The following CES5A variants were observed in gnomAD, a reference collection of about 807,000 sequenced individuals.
The protein encoded by CES5A is carboxylesterase 5.
A neutral mutation model predicts 62.9 loss-of-function variants in CES5A; 67 were observed. The ratio of observed to expected loss-of-function variants is 1.07; its 90% confidence interval spans 0.88 to 1.31. The LOEUF (loss-of-function observed/expected upper bound fraction) is 1.31. Among genes scored for constraint, CES5A ranks in the 50% most tolerant of loss-of-function variants. The pLI is 0.00. For missense variants in CES5A, 748 were observed against 708.5 expected, an observed-to-expected ratio of 1.06 and a Z score of -0.63; for synonymous variants, 296 against 280.8, an observed-to-expected ratio of 1.05 and a Z score of -0.54.
intron 1 of CES5A, among the ~76,000 whole-genome samples, chr16:55,897,372 C>A (rs1442667830): frequency 1.3e-5 from 2 of 152,084 alleles, no homozygotes; most frequent in African/African-American, 4.8e-5. Flanking sequence ...GACAAGAGTA[C>A]TTACAGAAGG....
chr16:55,874,582 A>T (rs1395803627), intron 1 of CES5A, among the ~76,000 whole-genome samples: 1 of 151,998 alleles, frequency 6.6e-6, no homozygotes, highest in Non-Finnish European at 1.5e-5. Context: ...TTGGTGAGTT[A>T]GGTATATGCT....
chr16:55,931,030 A>T (rs772663830), intron 2 of CES5A, among the ~76,000 whole-genome samples: 2 of 152,232 alleles, frequency 1.3e-5, no homozygotes, highest in Non-Finnish European at 1.5e-5. Context: ...ATTAAGCCCA[A>T]AACCCCATTT....
intron 1 of CES5A, among the ~76,000 whole-genome samples, chr16:55,922,790 T>C (rs539201623): frequency 6.6e-6 from 1 of 152,014 alleles, no homozygotes; most frequent in Non-Finnish European, 1.5e-5. Context: ...ATATATCAGG[T>C]GATAAAACAA....
At chr16:55,889,774 T>C (rs2033856249) in intron 1 of CES5A, among the ~76,000 whole-genome samples, 1 of 152,054 alleles carries the variant, frequency 6.6e-6, no homozygotes, top group African/African-American at 2.4e-5. Context: ...CATGGTTGGT[T>C]CCCTTGGTGA....
chr16:55,943,605 T>C (rs995639472), intron 2 of CES5A, among the ~76,000 whole-genome samples: 3 of 152,244 alleles, frequency 2.0e-5, no homozygotes, highest in African/African-American at 4.8e-5. Flanking sequence ...ATGCTAAAAA[T>C]ATGCTAAAAC....
chr16:55,910,693 T>C (rs1470591947), intron 1 of CES5A, among the ~76,000 whole-genome samples: 2 of 152,178 alleles, frequency 1.3e-5, no homozygotes. Context: ...AAATCCTCAA[T>C]GTACAGATTT....
chr16:55,952,774 A>C (rs56022840), intron 1 of CES5A, among the ~76,000 whole-genome samples: 3,219 of 152,210 alleles, frequency 0.021, 112 homozygotes, highest in African/African-American at 0.072. Context: ...ATAGTAATTT[A>C]AGATCTACCC....
At chr16:55,949,593 G>A (rs1464169688) in intron 2 of CES5A, among the ~76,000 whole-genome samples, 1 of 152,182 alleles carries the variant, frequency 6.6e-6, no homozygotes, top group Non-Finnish European at 1.5e-5. Context: ...TCAGCAAATG[G>A]CAAATCCATC....
At chr16:55,861,605 G>C (rs2033352403) in intron 6 of CES5A, 89 bp from the exon 7 acceptor site, 1 of 895,560 alleles carries the variant, frequency 1.1e-6, no homozygotes, top group African/African-American at 1.6e-5. Context: ...ATCAGCCACA[G>C]GCTGGCCCTC....
chr16:55,916,130 T>C (rs533454140), intron 1 of CES5A, among the ~76,000 whole-genome samples: 2 of 152,106 alleles, frequency 1.3e-5, no homozygotes, highest in Non-Finnish European at 2.9e-5. Context: ...ACAGGACCAG[T>C]TGGGTCAGGG....
intron 1 of CES5A, among the ~76,000 whole-genome samples, chr16:55,891,533 C>G (rs1335668506): frequency 6.6e-6 from 1 of 152,144 alleles, no homozygotes; most frequent in Non-Finnish European, 1.5e-5. Context: ...CAACTCGAAG[C>G]AAAGGCAGGA....
intron 1 of CES5A, among the ~76,000 whole-genome samples, chr16:55,885,802 T>A (rs2033809738): frequency 1.3e-5 from 2 of 152,208 alleles, no homozygotes; most frequent in Non-Finnish European, 2.9e-5. Context: ...AAGTTCATTC[T>A]CATGGCCACT....
intron 1 of CES5A, among the ~76,000 whole-genome samples, chr16:55,904,243 T>C (rs2034017994): frequency 6.6e-6 from 1 of 152,274 alleles, no homozygotes; most frequent in Non-Finnish European, 1.5e-5. Context: ...CAACTCACTG[T>C]GGTTTCACCG....
intron 1 of CES5A, among the ~76,000 whole-genome samples, chr16:55,889,693 C>T (rs1156363144): frequency 1.3e-5 from 2 of 151,662 alleles, no homozygotes; most frequent in Admixed American, 6.6e-5. Flanking sequence ...ATTTTGTAGG[C>T]ATGATTGATT....
At chr16:55,863,809 T>G (rs1597119253) in intron 5 of CES5A, among the ~76,000 whole-genome samples, 1 of 150,454 alleles carries the variant, frequency 6.6e-6, no homozygotes, top group Non-Finnish European at 1.5e-5. Context: ...CAGGCTGGAG[T>G]GCACTGGCGT....
chr16:55,953,057 G>A (rs1417458405), intron 1 of CES5A, among the ~76,000 whole-genome samples: 4 of 152,122 alleles, frequency 2.6e-5, no homozygotes, highest in Non-Finnish European at 4.4e-5. Flanking sequence ...AGCAAAAAAC[G>A]GAAGAATAGT....
chr16:55,955,148 A>G (rs934612952), intron 1 of CES5A, among the ~76,000 whole-genome samples: 1 of 152,134 alleles, frequency 6.6e-6, no homozygotes, highest in Admixed American at 6.5e-5. Context: ...CTCAGTGTAC[A>G]CCAAAGAAAT....
At chr16:55,859,506 C>T (rs376304435) in intron 8 of CES5A, 41 bp downstream of exon 8, 17 of 1,595,836 alleles carry the variant, frequency 1.1e-5, no homozygotes, top group Non-Finnish European at 1.3e-5. Context: ...AGCTGCATCA[C>T]GGTTTGAGGG....
chr16:55,908,651 C>T (rs559299253), intron 1 of CES5A, among the ~76,000 whole-genome samples: 7 of 152,344 alleles, frequency 4.6e-5, no homozygotes, highest in South Asian at 2.1e-4. Context: ...TGAACCACCA[C>T]GCCTGGCCCC....
Sources: gnomAD v4.1 joint callset for allele counts (sites outside exome capture counted in the v4.1 genomes callset) on GRCh38, gnomAD v4.1.1 for gene constraint, MANE v1.5 for transcripts, NCBI Gene and HGNC (gene_info 2026-07-23, HGNC 2026-07-21) for gene names.